The following PTGIR variants were observed in gnomAD, a reference collection of about 807,000 sequenced individuals.
PTGIR encodes prostaglandin I2 receptor, also known as prostacyclin receptor.
A neutral mutation model predicts 17.6 loss-of-function variants in PTGIR; 16 were observed. The observed-to-expected ratio is 0.91, with a 90% confidence interval of 0.61 to 1.38. The LOEUF is 1.38. PTGIR is among the 40% of genes most tolerant of loss of function. The pLI is 0.00. For missense variants in PTGIR, 532 were observed against 548.6 expected, an observed-to-expected ratio of 0.97 and a Z score of 0.30; for synonymous variants, 274 against 255.4, an observed-to-expected ratio of 1.07 and a Z score of -0.69.
chr19:46,619,600 G>C (rs532919785), downstream of PTGIR, among the ~76,000 whole-genome samples: 100 of 101,740 alleles, frequency 9.8e-4, no homozygotes, highest in Admixed American at 5.3e-3. Flanking sequence ...AGAAAAGAAA[G>C]AAAGGAAAGA....
chr19:46,612,954 C>G, the PTGIR span, among the ~76,000 whole-genome samples: 1 of 150,216 alleles, frequency 6.7e-6, no homozygotes, highest in South Asian at 2.1e-4. Context: ...ATTTACAAGT[C>G]TGCAAAATGG....
At chr19:46,614,856 A>T in the PTGIR span, among the ~76,000 whole-genome samples, 1 of 152,204 alleles carries the variant, frequency 6.6e-6, no homozygotes, top group African/African-American at 2.4e-5. Context: ...CCCCGTTCCT[A>T]CTAAAAATAC....
chr19:46,623,159 T>G, intron 2 of PTGIR: 1 of 221,684 alleles, frequency 4.5e-6, no homozygotes, highest in East Asian at 1.0e-4. Context: ...TTTTTATTTA[T>G]TTATTTGTTG....
the PTGIR span, among the ~76,000 whole-genome samples, chr19:46,613,083 T>A: frequency 3.4e-5 from 4 of 118,006 alleles, no homozygotes; most frequent in Non-Finnish European, 6.5e-5. Context: ...CACTCTTGTC[T>A]CCCAGGCTGG....
At chr19:46,612,083 G>A in the PTGIR span, among the ~76,000 whole-genome samples, 1 of 152,234 alleles carries the variant, frequency 6.6e-6, no homozygotes, top group African/African-American at 2.4e-5. Context: ...CCATTTTCCA[G>A]GGCCCCAGCT....
intron 2 of PTGIR, chr19:46,622,133 A>G (rs1459927518): frequency 7.1e-6 from 7 of 985,318 alleles, no homozygotes; most frequent in Admixed American, 6.1e-5. Flanking sequence ...ACAGAAACAG[A>G]AACTGAAGCT....
chr19:46,613,057 T>G, the PTGIR span, among the ~76,000 whole-genome samples: 21,456 of 92,412 alleles, frequency 0.23, 1,447 homozygotes, highest in East Asian at 0.44. Flanking sequence ...TTTTTTTTTT[T>G]TTTGAGATGG....
Position 46,623,523 on chromosome 19 carries a change from C to T in PTGIR, c.703G>A (p.Val235Met), listed in dbSNP as rs1223469314. 1 of 1,570,850 alleles carries T rather than the reference C, an allele frequency of 6.4e-7. No individual in the cohort carries two copies. Among genetic ancestry groups the T allele is most frequent in the Middle Eastern group, 1.7e-4 (1 of 6,006 alleles). ...AGGGCCAGCAGGATCAGGTGGTCCA[C>T]CTCGTCCTCTCCGGTGCGCGGCCGT... ...GPRPRTGEDE[V>M]DHLILLALMT... The change falls in exon 2 of 3, where the codon GTG (valine) becomes ATG (methionine). Residue 235 changes from valine to methionine, a missense_variant. Coordinates refer to ENST00000291294, the MANE Select transcript of PTGIR (RefSeq NM_000960.4).
At chr19:46,624,300 T>A in intron 1 of PTGIR, 63 bp from the exon 2 acceptor site, 1 of 1,382,360 alleles carries the variant, frequency 7.2e-7, no homozygotes, top group Non-Finnish European at 9.4e-7. Context: ...CCCAGCCCAC[T>A]CAGATGTCCC....
the PTGIR span, chr19:46,614,381 G>C: frequency 2.8e-5 from 28 of 985,156 alleles, no homozygotes; most frequent in Admixed American, 6.1e-5. Context: ...TGTGTGCGCC[G>C]GTGTTTAAGT....
chr19:46,621,037 G>A lies in PTGIR; in HGVS notation c.*243C>T, dbSNP rs1056995016. 4 of 1,208,896 alleles carry A rather than the reference G, an allele frequency of 3.3e-6. No individual in the cohort carries two copies. The highest frequency in any genetic ancestry group is 4.1e-6 in the Non-Finnish European group (4 of 972,976). The allele number at this position is 1,208,896 out of a possible 1,614,324, so 74.9% of individuals were successfully genotyped here. A position where few individuals can be genotyped will look rare whatever the true frequency, so the allele number is the denominator to read the frequency against. ...GGGGAATCCAGGGCCAGAGCAGGTC[G>A]GCCAGGCCACTGGTTATTTTGAGAG... On this transcript the variant is annotated 3_prime_UTR_variant, in exon 3 of 3. Transcript: ENST00000291294. The surrounding 1 kb of genome is among the most constrained non-coding windows in gnomAD (Gnocchi z 4.8).
In PTGIR at chr19:46,623,929, C is replaced by A. The variant is rs1288694714; in HGVS notation, c.297G>T (p.Met99Ile). 1 of 1,602,140 alleles carries A rather than the reference C, an allele frequency of 6.2e-7. No homozygotes were observed. Among genetic ancestry groups the A allele is most frequent in the Admixed American group, 1.7e-5 (1 of 58,994 alleles). ...GCATGGACGCCAGGCCGAAGAAGGT[C>A]ATGGCGAAGGCGAAGGCATCGCACA... ...PALCDAFAFA[M>I]TFFGLASMLI... The change falls in exon 2 of 3, where the codon ATG becomes ATT. Residue 99 changes from methionine to isoleucine, a missense_variant. Transcript: ENST00000291294.
At chr19:46,613,452 T>C in the PTGIR span, among the ~76,000 whole-genome samples, 1 of 149,032 alleles carries the variant, frequency 6.7e-6, no homozygotes, top group Non-Finnish European at 1.5e-5. Flanking sequence ...TTCTCCTGCC[T>C]CAGCCTCCTG....
the PTGIR span, among the ~76,000 whole-genome samples, chr19:46,611,254 T>TC: frequency 6.6e-6 from 1 of 151,962 alleles, no homozygotes; most frequent in Non-Finnish European, 1.5e-5. Context: ...CTGAAGGAAA[T>TC]CCAGCGAGAC....
Position 46,623,728 on chromosome 19 carries a change from G to A in PTGIR, c.498C>T (p.Pro166=), listed in dbSNP as rs754665697. 6 of 1,590,238 alleles carry A rather than the reference G, an allele frequency of 3.8e-6. No homozygotes were observed. The highest frequency in any genetic ancestry group is 5.1e-6 in the Non-Finnish European group (6 of 1,171,836). ...GCATGCGGAGGAAGCACCAGCTGCC[G>A]GGGCAGTACTGCTGGTGTTGGCCCA... ...LGLGQHQQYC[P]GSWCFLRMRW... The change falls in exon 2 of 3, where the codon CCC becomes CCT. Residue 166 remains proline (P), a synonymous_variant. Coordinates refer to ENST00000291294, the MANE Select transcript of PTGIR (RefSeq NM_000960.4).
chr19:46,620,047 G>A (rs1046959503), downstream of PTGIR, among the ~76,000 whole-genome samples: 3 of 152,228 alleles, frequency 2.0e-5, no homozygotes, highest in Non-Finnish European at 4.4e-5. Context: ...GGGTGGAGCA[G>A]GGGCTTGTCT....
chr19:46,620,896 T>C lies in PTGIR; in HGVS notation c.*384A>G, dbSNP rs1486879287. Reference sequence around the variant, plus strand: ...TCCCCTGGGGACTTGGGGTGGGCAGTTGGGCCTCCTAAGTGGACGCAGATT... The same window carrying C: ...TCCCCTGGGGACTTGGGGTGGGCAGCTGGGCCTCCTAAGTGGACGCAGATT... On this transcript the variant is annotated 3_prime_UTR_variant, in exon 3 of 3. Transcript: ENST00000291294. 5.0e-6 allele frequency: 5 copies of C among 996,440 alleles called. No individual in the cohort carries two copies. The highest frequency in any genetic ancestry group is 1.7e-5 in the African/African-American group (1 of 57,692). The allele number at this position is 996,440 out of a possible 1,614,324, so 61.7% of individuals were successfully genotyped here.
downstream of PTGIR, among the ~76,000 whole-genome samples, chr19:46,619,494 CAAAA>C (rs1285734152): frequency 2.0e-4 from 18 of 92,242 alleles, no homozygotes; most frequent in South Asian, 5.2e-3. Flanking sequence ...TATTCTGTCT[CAAAA>C]AAGAAAGAAA....
chr19:46,621,873 G>A lies in PTGIR; in HGVS notation c.769-201C>T, dbSNP rs1325728398. On this transcript the variant is annotated intron_variant, in intron 2 of 2. Transcript: ENST00000291294. The surrounding 1 kb of genome is among the most constrained non-coding windows in gnomAD (Gnocchi z 4.8). ...CAGGAAATTGCCAGAGATGCCTAAGGGGAGAGGGATGGGGGCCAGGTATGT... is the reference window on the plus strand; with the variant it reads ...CAGGAAATTGCCAGAGATGCCTAAGAGGAGAGGGATGGGGGCCAGGTATGT... 1 of 1,362,660 alleles carries A rather than the reference G, an allele frequency of 7.3e-7. No homozygotes were observed. The highest frequency in any genetic ancestry group is 3.2e-5 in the Admixed American group (1 of 31,212). The allele number at this position is 1,362,660 out of a possible 1,614,324, so 84.4% of individuals were successfully genotyped here.
Sources: gnomAD v4.1 joint callset for allele counts (sites outside exome capture counted in the v4.1 genomes callset) on GRCh38, gnomAD v4.1.1 for gene constraint, Gnocchi (gnomAD v3.1) non-coding constraint, MANE v1.5 for transcripts, NCBI Gene and HGNC (gene_info 2026-07-23, HGNC 2026-07-21) for gene names.